The following PTPN13 variants were observed in gnomAD, a reference collection of about 807,000 sequenced individuals.
PTPN13 encodes the protein protein tyrosine phosphatase non-receptor type 13.
A neutral mutation model predicts 284.0 loss-of-function variants in PTPN13; 191 were observed. The observed-to-expected ratio is 0.67, with a 90% confidence interval of 0.60 to 0.76. The LOEUF (loss-of-function observed/expected upper bound fraction) is 0.76. PTPN13 is among the 30% of genes least tolerant of loss of function. The pLI is 0.00. For synonymous variants in PTPN13, 986 were observed against 1,022.3 expected (o/e 0.96, Z 0.68); for missense variants, 2,797 against 2,939.9 (o/e 0.95, Z 1.12).
At chr4:86,715,891 G>A (rs987390828) in intron 7 of PTPN13, among the ~76,000 whole-genome samples, 3 of 152,282 alleles carry the variant, frequency 2.0e-5, no homozygotes. Flanking sequence ...TTAGAAGGTA[G>A]GATTTAGATT....
At chr4:86,801,164 G>C (rs756548298) in intron 42 of PTPN13, among the ~76,000 whole-genome samples, 8 of 152,126 alleles carry the variant, frequency 5.3e-5, no homozygotes, top group Non-Finnish European at 7.3e-5. Context: ...TAGACCCATA[G>C]CTCTTCTAAG....
chr4:86,604,965 T>C (rs1300705560), intron 1 of PTPN13, among the ~76,000 whole-genome samples: 1 of 152,038 alleles, frequency 6.6e-6, no homozygotes, highest in African/African-American at 2.4e-5. Flanking sequence ...GTGGTCTGAT[T>C]TAATCAGGAT....
At chr4:86,596,510 A>T (rs1763818656) in intron 1 of PTPN13, among the ~76,000 whole-genome samples, 1 of 152,174 alleles carries the variant, frequency 6.6e-6, no homozygotes, top group Non-Finnish European at 1.5e-5. Flanking sequence ...GTTGTTTTTG[A>T]GGGCTGCCTC....
intron 26 of PTPN13, among the ~76,000 whole-genome samples, 158 bp downstream of exon 26, chr4:86,765,646 CA>C (rs1442810165): frequency 6.6e-6 from 1 of 152,066 alleles, no homozygotes; most frequent in Admixed American, 6.5e-5. Context: ...GATGCCATTT[CA>C]AAAACTCTTC....
intron 1 of PTPN13, among the ~76,000 whole-genome samples, chr4:86,631,801 A>T (rs145829998): frequency 6.6e-6 from 1 of 152,234 alleles, no homozygotes; most frequent in East Asian, 1.9e-4. Flanking sequence ...ATTGTGTGAG[A>T]AGTTACTTTT....
chr4:86,797,052 A>G, intron 41 of PTPN13, 123 bp downstream of exon 41: 1 of 717,048 alleles, frequency 1.4e-6, no homozygotes, highest in Non-Finnish European at 2.2e-6. Flanking sequence ...CTATGGTTGA[A>G]TATTAAGAAT....
chr4:86,779,027 T>C (rs1051424301), intron 35 of PTPN13, among the ~76,000 whole-genome samples: 2 of 148,834 alleles, frequency 1.3e-5, no homozygotes, highest in African/African-American at 5.0e-5. Context: ...AGAACCTATA[T>C]GGCCTTCTTT....
chr4:86,693,071 T>TTAAAAAAAA (rs368293283), intron 5 of PTPN13, among the ~76,000 whole-genome samples: 1 of 112,304 alleles, frequency 8.9e-6, no homozygotes, highest in Non-Finnish European at 1.8e-5. Context: ...CCGTTATATT[T>TTAAAAAAAA]AAAAAAAAAA....
At chr4:86,743,788 A>G (rs1341666574) in intron 16 of PTPN13, among the ~76,000 whole-genome samples, 1 of 152,224 alleles carries the variant, frequency 6.6e-6, no homozygotes, top group African/African-American at 2.4e-5. Context: ...ATACTCTGTT[A>G]TTACAACTTT....
At chr4:86,795,036 A>G (rs1328727890) in intron 40 of PTPN13, among the ~76,000 whole-genome samples, 1 of 152,254 alleles carries the variant, frequency 6.6e-6, no homozygotes, top group Admixed American at 6.5e-5. Flanking sequence ...ACAAAAGCCA[A>G]AATTGACAAA....
intron 16 of PTPN13, among the ~76,000 whole-genome samples, chr4:86,742,533 A>G (rs1032127753): frequency 6.6e-6 from 1 of 152,178 alleles, no homozygotes; most frequent in Non-Finnish European, 1.5e-5. Context: ...AGGCTAAAGT[A>G]TAGTCTCAGC....
intron 2 of PTPN13, among the ~76,000 whole-genome samples, chr4:86,664,595 T>A (rs1290222936): frequency 6.6e-6 from 1 of 152,214 alleles, no homozygotes; most frequent in Admixed American, 6.5e-5. Context: ...GTTTGTATCC[T>A]TAAACCACTT....
chr4:86,785,378 C>T lies in PTPN13; in HGVS notation c.6256+10C>T. On this transcript the variant is annotated intron_variant, in intron 39 of 47. Coordinates refer to ENST00000411767, the MANE Select transcript of PTPN13 (RefSeq NM_080683.3). ...TACTCCTGTGGTCCAGGTACGTGAACCAGATGAATAAATTGGTATACTATG... is the reference window on the plus strand; with the variant it reads ...TACTCCTGTGGTCCAGGTACGTGAATCAGATGAATAAATTGGTATACTATG... 1.2e-6 allele frequency: 2 copies of T among 1,606,044 alleles called. No individual in the cohort carries two copies. Among genetic ancestry groups the T allele is most frequent in the Non-Finnish European group, 1.7e-6 (2 of 1,177,000 alleles).
chr4:86,738,369 C>T (rs1022802309), intron 15 of PTPN13, among the ~76,000 whole-genome samples: 1 of 152,194 alleles, frequency 6.6e-6, no homozygotes. Context: ...CTTGACAACA[C>T]TTGGTAGTTT....
At chr4:86,783,074 T>C (rs1385106811) in intron 37 of PTPN13, among the ~76,000 whole-genome samples, 1 of 152,142 alleles carries the variant, frequency 6.6e-6, no homozygotes, top group Non-Finnish European at 1.5e-5. Flanking sequence ...AATCCGAAAG[T>C]CTTATTATGT....
intron 1 of PTPN13, among the ~76,000 whole-genome samples, chr4:86,630,552 A>C (rs1379149231): frequency 6.6e-6 from 1 of 152,144 alleles, no homozygotes; most frequent in Non-Finnish European, 1.5e-5. Context: ...TTAATTCTGA[A>C]TCTTCCTGGA....
At chr4:86,708,503 A>C (rs1732012829) in intron 7 of PTPN13, among the ~76,000 whole-genome samples, 1 of 152,158 alleles carries the variant, frequency 6.6e-6, no homozygotes, top group Admixed American at 6.5e-5. Context: ...GTTCACAGAA[A>C]TAATATGTTC....
chr4:86,722,459 A>G lies in PTPN13; in HGVS notation c.1608+25A>G, dbSNP rs1160959489. On this transcript the variant is annotated intron_variant, in intron 10 of 47. Coordinates refer to ENST00000411767, the MANE Select transcript of PTPN13 (RefSeq NM_080683.3). ...GGTAAGTTGATTCTCAGGTTACTACACATCTAAACCTGCTCTCACAGGGAA... is the reference window on the plus strand; with the variant it reads ...GGTAAGTTGATTCTCAGGTTACTACGCATCTAAACCTGCTCTCACAGGGAA... 3.2e-6 allele frequency: 5 copies of G among 1,577,942 alleles called. No homozygotes were observed. The South Asian group carries it at 5.5e-5, about 17-fold the overall frequency.
chr4:86,693,675 G>T lies in PTPN13; in HGVS notation c.634+1G>T, dbSNP rs1414264595. 1 of 1,541,210 alleles carries T rather than the reference G, an allele frequency of 6.5e-7. No individual in the cohort carries two copies. Reference sequence around the variant, plus strand: ...TTGCGAGGAAAAGGATTACCAACAGGTAAGAGTATATTAATAGGAAATGTC... The same window carrying T: ...TTGCGAGGAAAAGGATTACCAACAGTTAAGAGTATATTAATAGGAAATGTC... On this transcript the variant is annotated splice_donor_variant, in intron 6 of 47. Transcript: ENST00000411767. LOFTEE classifies it high-confidence loss of function.
Sources: allele counts gnomAD v4.1 joint callset (sites outside exome capture counted in the v4.1 genomes callset), GRCh38; gene constraint gnomAD v4.1.1; transcripts MANE v1.5; gene names NCBI Gene and HGNC (gene_info 2026-07-23, HGNC 2026-07-21).